Variants in KIAA1217 observed in about 807,000 individuals in gnomAD.
KIAA1217 encodes KIAA1217, also known as sickle tail protein homolog.
A neutral mutation model predicts 163.9 loss-of-function variants in KIAA1217; 88 were observed. That is an observed-to-expected ratio of 0.54 (90% CI 0.45 to 0.64). The LOEUF is 0.64. KIAA1217 is among the 30% of genes least tolerant of loss of function. KIAA1217 has a pLI of 0.00. For synonymous variants in KIAA1217, 903 were observed against 923.1 expected (o/e 0.98, Z 0.39); for missense variants, 2,372 against 2,475.0 (o/e 0.96, Z 0.88).
At chr10:23,978,969 A>T (rs1256555128) in intron 1 of KIAA1217, among the ~76,000 whole-genome samples, 4 of 152,072 alleles carry the variant, frequency 2.6e-5, no homozygotes, top group Non-Finnish European at 5.9e-5. Flanking sequence ...TCCTACTTGC[A>T]TGTCACCTGG....
chr10:24,383,549 C>A (rs1275153101), intron 3 of KIAA1217, among the ~76,000 whole-genome samples: 1 of 152,212 alleles, frequency 6.6e-6, no homozygotes, highest in East Asian at 1.9e-4. Context: ...ACTCAGCATC[C>A]TTTGCTGTAG....
chr10:24,509,362 G>C (rs566008658), intron 9 of KIAA1217, among the ~76,000 whole-genome samples: 1 of 152,272 alleles, frequency 6.6e-6, no homozygotes, highest in South Asian at 2.1e-4. Flanking sequence ...GGTGAGCTAT[G>C]ACAGCTTCCC....
rs1848468245 is a variant in KIAA1217, at chr10:24,037,957, T to C, written c.-171+30583T>C. 2.6e-5 allele frequency among the ~76,000 whole-genome samples: 4 copies of C among 152,204 alleles called. No homozygotes were observed. In the South Asian group the frequency reaches 8.3e-4, roughly 31 times the overall value. On this transcript the variant is annotated intron_variant, in intron 2 of 18. Transcript: ENST00000376462. ...TAATGTCACACAAATTTTATCTTAG[T>C]AGTGTATGTATTTTGCAAGCCAACT...
chr10:23,733,372 C>A (rs763908055), intron 1 of KIAA1217, among the ~76,000 whole-genome samples: 8 of 152,070 alleles, frequency 5.3e-5, no homozygotes, highest in Non-Finnish European at 1.0e-4. Flanking sequence ...TTTGATAAAT[C>A]GCTTTTCAGT....
intron 16 of KIAA1217, among the ~76,000 whole-genome samples, chr10:24,534,901 A>G (rs947062611): frequency 4.0e-5 from 6 of 151,660 alleles, no homozygotes; most frequent in African/African-American, 1.5e-4. Flanking sequence ...AAAAAAAAAA[A>G]AAGCGTGGTG....
At position 24,150,809 on chromosome 10, in the gene KIAA1217, G is replaced by A. The variant is rs371449659; in HGVS notation, c.-170-68817G>A. 5.9e-5 allele frequency among the ~76,000 whole-genome samples: 9 copies of A among 152,238 alleles called. No homozygotes were observed. The South Asian group carries it at 6.2e-4, about 11-fold the overall frequency. On this transcript the variant is annotated intron_variant, in intron 2 of 18. Coordinates refer to the KIAA1217 transcript ENST00000376462. ...CTCGGTAGCTGAATTATCTGATAGAGCTGAAGTTCATTAAAGAGCATAATT... is the reference window on the plus strand; with the variant it reads ...CTCGGTAGCTGAATTATCTGATAGAACTGAAGTTCATTAAAGAGCATAATT...
intron 1 of KIAA1217, among the ~76,000 whole-genome samples, chr10:23,721,155 T>C (rs1837857272): frequency 6.6e-6 from 1 of 152,232 alleles, no homozygotes; most frequent in African/African-American, 2.4e-5. Flanking sequence ...CCAGTTTCCC[T>C]GAGCGTGTGC....
intron 1 of KIAA1217, among the ~76,000 whole-genome samples, chr10:23,864,464 A>G (rs1588973756): frequency 6.6e-6 from 1 of 151,140 alleles, no homozygotes; most frequent in Non-Finnish European, 1.5e-5. Flanking sequence ...TTTCTTTTAT[A>G]TTATATTTCT....
chr10:23,763,654 A>G (rs1347412503), intron 1 of KIAA1217, among the ~76,000 whole-genome samples: 2 of 152,206 alleles, frequency 1.3e-5, no homozygotes, highest in Admixed American at 1.3e-4. Flanking sequence ...CCCTAGAAGA[A>G]AATCTGGACA....
chr10:24,481,999 G>A (rs2064773813), intron 6 of KIAA1217: 1 of 152,134 alleles, frequency 6.6e-6, no homozygotes, highest in South Asian at 2.1e-4. Context: ...CAACTGAATT[G>A]TTATTTCGTT....
rs77258422 is a variant in KIAA1217, at chr10:24,334,551, A to G, written c.355-46318A>G. On this transcript the variant is annotated intron_variant, in intron 2 of 20. Transcript: ENST00000376454. ...TGCCTTCAGCTTTCTTCTAATTACC[A>G]TCTAAGTCCTTATAATAAGGACTTA... 9.2e-5 allele frequency among the ~76,000 whole-genome samples: 14 copies of G among 152,292 alleles called. No homozygotes were observed. The East Asian group carries it at 2.3e-3, about 25-fold the overall frequency.
chr10:24,484,241 A>ATATATATATATATT (rs1376083298), intron 6 of KIAA1217, among the ~76,000 whole-genome samples: 2 of 75,154 alleles, frequency 2.7e-5, no homozygotes, highest in African/African-American at 4.9e-5. Flanking sequence ...ATATATATAT[A>ATATATATATATATT]TTTTTTTTTT....
chr10:23,838,166 A>G (rs1838585058), intron 1 of KIAA1217, among the ~76,000 whole-genome samples: 1 of 152,198 alleles, frequency 6.6e-6, no homozygotes. Flanking sequence ...GACTGTGATT[A>G]ATATCATTAT....
Position 24,474,028 on chromosome 10 carries a change from C to T in KIAA1217, c.1647C>T (p.Ser549=), listed in dbSNP as rs777224824. Residue 549 remains serine, a synonymous_variant, in exon 6 of 21, where the codon AGC becomes AGT. Coordinates refer to ENST00000376454, the MANE Select transcript of KIAA1217 (RefSeq NM_019590.5). ...PLMEKQVFAY[S]TATIPKDRET... ...TGGAGAAGCAAGTTTTTGCCTACAG[C>T]ACGGCGACAATACCCAAAGACAGAG... 7 of 1,610,236 alleles carry T rather than the reference C, an allele frequency of 4.3e-6. No individual in the cohort carries two copies. In the Admixed American group the frequency reaches 5.0e-5, roughly 12 times the overall value.
At chr10:24,477,777 T>C (rs1413623336) in intron 6 of KIAA1217, among the ~76,000 whole-genome samples, 1 of 152,052 alleles carries the variant, frequency 6.6e-6, no homozygotes, top group East Asian at 1.9e-4. Flanking sequence ...TGCATCTGAG[T>C]ACTATGTCAA....
chr10:23,842,457 G>C (rs12253414), intron 1 of KIAA1217, among the ~76,000 whole-genome samples: 1,974 of 152,206 alleles, frequency 0.013, 60 homozygotes, highest in African/African-American at 0.045. Flanking sequence ...TATGGAGCGA[G>C]TGCTGGGTAG....
rs1428576464 is a variant in KIAA1217 at position 24,533,241 on chromosome 10, T to A, written c.3414+4T>A. 1.9e-6 allele frequency: 3 copies of A among 1,605,658 alleles called. No homozygotes were observed. The highest frequency in any genetic ancestry group is 2.6e-6 in the Non-Finnish European group (3 of 1,175,556). On this transcript the variant is annotated splice_donor_region_variant and intron_variant, in intron 16 of 20. Transcript: ENST00000376454. ...CAAAATAATGGCAGAACTCCAGGTA[T>A]GTGGATGAGGTGACTGACATTGGCT...
intron 1 of KIAA1217, among the ~76,000 whole-genome samples, chr10:23,864,892 T>G (rs1840115647): frequency 6.6e-6 from 1 of 152,194 alleles, no homozygotes. Context: ...GAATTCCTTC[T>G]GTTTCTGGGG....
chr10:24,419,593 G>T lies in KIAA1217; in HGVS notation c.554-13402G>T, dbSNP rs192398296. Among the ~76,000 whole-genome samples the T allele has an allele frequency of 7.9e-5, 12 of 152,222 alleles. No individual in the cohort carries two copies. In the East Asian group the frequency reaches 2.3e-3, roughly 29 times the overall value. ...ATGAATTAATATGTGGAAGAGTTTG[G>T]ATCAGTGCCTGGCACATAGCAAATG... On this transcript the variant is annotated intron_variant, in intron 3 of 20. Transcript: ENST00000376454.
Sources: gnomAD v4.1 joint callset for allele counts (sites outside exome capture counted in the v4.1 genomes callset) on GRCh38, gnomAD v4.1.1 for gene constraint, MANE v1.5 for transcripts, NCBI Gene and HGNC (gene_info 2026-07-23, HGNC 2026-07-21) for gene names.